Variants in TTL observed in about 807,000 individuals in gnomAD.
The protein encoded by TTL is tubulin--tyrosine ligase.
Under a neutral mutation model 41.1 loss-of-function variants are expected in TTL, and 10 were observed. The observed-to-expected ratio is 0.24, with a 90% CI of 0.15 to 0.41. The LOEUF (loss-of-function observed/expected upper bound fraction) is 0.41, where lower values mean the gene tolerates loss of function less well. TTL is among the 10% of genes least tolerant of loss of function. The pLI is 1.00. For missense variants in TTL, 367 were observed against 460.4 expected (o/e 0.80, Z 1.86); for synonymous variants, 175 against 175.5 (o/e 1.00, Z 0.02).
Position 112,534,992 on chromosome 2 carries a change from G to A in TTL, c.*6197G>A, listed in dbSNP as rs1682572912. On this transcript the variant is annotated 3_prime_UTR_variant, in exon 7 of 7. Transcript: ENST00000233336. ...AAGAAAGAGAAAGGAAAGAAAGGCA[G>A]GCAGAAAGAAGGAGAAAGGGAGGGA... 6.7e-6 allele frequency: 1 copy of A among 148,464 alleles called. No homozygotes were observed. Among genetic ancestry groups the A allele is most frequent in the African/African-American group, 2.5e-5 (1 of 40,162 alleles). The allele number at this position is 148,464 out of a possible 1,614,324, so 9.2% of individuals were successfully genotyped here.
At chr2:112,489,070 G>C (rs1681314605) in intron 2 of TTL, among the ~76,000 whole-genome samples, 3 of 152,308 alleles carry the variant, frequency 2.0e-5, no homozygotes, top group Middle Eastern at 6.8e-3. Context: ...CTGGGTGACA[G>C]AGTGAGACGC....
chr2:112,527,984 A>G (rs1270305281), intron 6 of TTL, among the ~76,000 whole-genome samples: 1 of 152,178 alleles, frequency 6.6e-6, no homozygotes, highest in Non-Finnish European at 1.5e-5. Flanking sequence ...TGCTTCCTTC[A>G]GGAGCTCTTG....
At chr2:112,520,207 T>C in intron 5 of TTL, 75 bp from the exon 6 acceptor site, 2 of 1,544,774 alleles carry the variant, frequency 1.3e-6, no homozygotes, top group Non-Finnish European at 1.8e-6. Flanking sequence ...ATATAAAATC[T>C]TTCAAGCACA....
At position 112,487,906 on chromosome 2, in the gene TTL, TAA is replaced by T. The variant is rs376037836; in HGVS notation, c.236+1913_236+1914del. 1.6e-3 allele frequency among the ~76,000 whole-genome samples: 240 copies of T among 152,316 alleles called. 1 individual carries two copies. Among genetic ancestry groups the T allele is most frequent in the African/African-American group, 5.7e-3 (235 of 41,558 alleles). The stretch of plus-strand genomic sequence containing the variant: ...TGAAAGGGCTCCAGAGAGTTAGAAA[TAA>T]AGTCTCCTTGATTTTATAGGACAAA... On this transcript the variant is annotated intron_variant, in intron 2 of 6. Coordinates refer to ENST00000233336, the MANE Select transcript of TTL (RefSeq NM_153712.5).
In TTL at chr2:112,537,723, C is replaced by T. The variant is rs918805713; in HGVS notation, c.*8928C>T. ...TACCTAGCAATACAGCCTAAAGATA[C>T]ATGACATAAAAACTTAGAGAATTGA... On this transcript the variant is annotated 3_prime_UTR_variant, in exon 7 of 7. Transcript: ENST00000233336. 6.6e-6 allele frequency: 1 copy of T among 152,144 alleles called. No individual in the cohort carries two copies. The highest frequency in any genetic ancestry group is 2.4e-5 in the African/African-American group (1 of 41,432). 9.4% of individuals were successfully genotyped at this position (152,144 alleles called of 1,614,324 possible).
At position 112,482,220 on chromosome 2, in the gene TTL, AGCCGGCGCGGGCGGCGGGG is replaced by A; in HGVS notation, c.-119_-101del. ...GCCGCCGGCACCCGAGAGGCGCGGT[AGCCGGCGCGGGCGGCGGGG>A]GCCGGGCCGCGGCGGGCGCCCGGGC... On this transcript the variant is annotated 5_prime_UTR_variant, in exon 1 of 7. Transcript: ENST00000233336. This position sits in a 1 kb window ranked among gnomAD's most constrained non-coding sequence, Gnocchi z 5.3. The A allele has an allele frequency of 1.7e-6, 1 of 603,216 alleles. No individual in the cohort carries two copies. The highest frequency in any genetic ancestry group is 2.1e-6 in the Non-Finnish European group (1 of 484,950). 37.4% of individuals were successfully genotyped at this position (603,216 alleles called of 1,614,324 possible).
In TTL at chr2:112,540,639, C is replaced by T. The variant is rs1682703339; in HGVS notation, c.*11844C>T. Reference sequence around the variant, plus strand: ...ATACAGATAAATGTAGATAGACATACAGATCAAGAGAATAGAACTGAGAGT... The same window carrying T: ...ATACAGATAAATGTAGATAGACATATAGATCAAGAGAATAGAACTGAGAGT... On this transcript the variant is annotated 3_prime_UTR_variant, in exon 7 of 7. Coordinates refer to ENST00000233336, the MANE Select transcript of TTL (RefSeq NM_153712.5). 1 of 152,138 alleles carries T rather than the reference C, an allele frequency of 6.6e-6. No homozygotes were observed. Among genetic ancestry groups the T allele is most frequent in the Non-Finnish European group, 1.5e-5 (1 of 68,026 alleles). The allele number at this position is 152,138 out of a possible 1,614,324, so 9.4% of individuals were successfully genotyped here.
At chr2:112,490,788 G>A (rs1456499748) in intron 2 of TTL, among the ~76,000 whole-genome samples, 1 of 151,788 alleles carries the variant, frequency 6.6e-6, no homozygotes, top group South Asian at 2.1e-4. Flanking sequence ...GACCAGGCTG[G>A]TCTTGAACTC....
intron 5 of TTL, among the ~76,000 whole-genome samples, chr2:112,509,614 A>G (rs1681868319): frequency 1.3e-5 from 2 of 152,128 alleles, no homozygotes; most frequent in Non-Finnish European, 2.9e-5. Flanking sequence ...TGACTCGGAA[A>G]GGGAACTCCC....
intron 5 of TTL, among the ~76,000 whole-genome samples, chr2:112,516,824 G>A (rs1682083706): frequency 1.3e-5 from 2 of 152,190 alleles, no homozygotes; most frequent in Non-Finnish European, 2.9e-5. Context: ...GTAGAGCCCA[G>A]TAGAATAATT....
chr2:112,511,763 G>A (rs927021942), intron 5 of TTL, among the ~76,000 whole-genome samples: 1 of 151,470 alleles, frequency 6.6e-6, no homozygotes, highest in East Asian at 2.0e-4. Context: ...TAGAGACAGG[G>A]TTTCACCATG....
intron 6 of TTL, among the ~76,000 whole-genome samples, chr2:112,522,931 C>T (rs574537025): frequency 2.6e-5 from 4 of 152,142 alleles, no homozygotes; most frequent in Non-Finnish European, 4.4e-5. Flanking sequence ...CTGCTCTTGC[C>T]CCAGTGAAAT....
rs770160304 is a variant in TTL, at chr2:112,501,358, C to G, written c.605+17C>G. The stretch of plus-strand genomic sequence containing the variant: ...TGACATCCGGTAATGCATTCATGTC[C>G]ATAGCTTTTGTTTTTATTCATCTGA... On this transcript the variant is annotated intron_variant, in intron 4 of 6. Transcript: ENST00000233336. The G allele has an allele frequency of 1.5e-5, 23 of 1,549,932 alleles. No individual in the cohort carries two copies. In the Admixed American group the frequency reaches 2.6e-4, roughly 18 times the overall value.
At chr2:112,507,804 G>A (rs1283921005) in intron 5 of TTL, among the ~76,000 whole-genome samples, 2 of 147,148 alleles carry the variant, frequency 1.4e-5, no homozygotes, top group Non-Finnish European at 3.0e-5. Context: ...GCAGAATTTA[G>A]TCCATTTATA....
At chr2:112,528,130 G>T (rs991516437) in intron 6 of TTL, among the ~76,000 whole-genome samples, 1 of 152,146 alleles carries the variant, frequency 6.6e-6, no homozygotes, top group Non-Finnish European at 1.5e-5. Flanking sequence ...TAAGAATGTT[G>T]AATATTGGCC....
At chr2:112,521,415 G>T (rs547875841) in intron 6 of TTL, 3 of 956,024 alleles carry the variant, frequency 3.1e-6, no homozygotes, top group Non-Finnish European at 3.7e-6. Context: ...TTGTGCTGAG[G>T]GTTCTTCTGA....
Position 112,529,239 on chromosome 2 carries a change from A to G in TTL, c.*444A>G. ...GTTCCCCACCCATCCCTTCGGTAAC[A>G]CTCTGCCACACTAAGCTCTGTACAA... On this transcript the variant is annotated 3_prime_UTR_variant, in exon 7 of 7. Coordinates refer to ENST00000233336, the MANE Select transcript of TTL (RefSeq NM_153712.5). The G allele has an allele frequency of 3.6e-6, 1 of 274,904 alleles. No individual in the cohort carries two copies. Among genetic ancestry groups the G allele is most frequent in the Non-Finnish European group, 7.0e-6 (1 of 143,134 alleles). 17.0% of individuals were successfully genotyped at this position (274,904 alleles called of 1,614,324 possible). A position where few individuals can be genotyped will look rare whatever the true frequency, so the allele number is the denominator to read the frequency against.
At chr2:112,526,214 C>A (rs527628893) in intron 6 of TTL, among the ~76,000 whole-genome samples, 15 of 152,206 alleles carry the variant, frequency 9.9e-5, no homozygotes, top group African/African-American at 3.1e-4. Flanking sequence ...ATTTTTGCAT[C>A]GATGTTCATC....
rs956716259 is a variant in TTL, at chr2:112,484,811, CTT to C, written c.158-1103_158-1102del. Reference sequence around the variant, plus strand: ...AGAGCCAGCTAATGCCTGCCTGAAACTTTTGATTTGACTGTATGCCATTCTCA... The same window carrying C: ...AGAGCCAGCTAATGCCTGCCTGAAACTTGATTTGACTGTATGCCATTCTCA... On this transcript the variant is annotated intron_variant, in intron 1 of 6. Coordinates refer to ENST00000233336, the MANE Select transcript of TTL (RefSeq NM_153712.5). Among the ~76,000 whole-genome samples the C allele has an allele frequency of 2.0e-4, 31 of 152,226 alleles. 1 individual carries two copies. The highest frequency in any genetic ancestry group is 3.4e-3 in the Middle Eastern group (1 of 294).
Sources: gnomAD v4.1 joint callset for allele counts (sites outside exome capture counted in the v4.1 genomes callset) on GRCh38, gnomAD v4.1.1 for gene constraint, Gnocchi (gnomAD v3.1) non-coding constraint, MANE v1.5 for transcripts, NCBI Gene and HGNC (gene_info 2026-07-23, HGNC 2026-07-21) for gene names.